Variants in OPRM1 observed in about 807,000 individuals in gnomAD.
The protein encoded by OPRM1 is mu-type opioid receptor.
In OPRM1, 27 loss-of-function variants were observed where a neutral mutation model predicts 31.8. The ratio of observed to expected loss-of-function variants is 0.85; its 90% confidence interval spans 0.63 to 1.17. The LOEUF is 1.17. Ranked by LOEUF, OPRM1 falls within the 50% of genes most tolerant of loss-of-function variation. The pLI, the probability that OPRM1 is intolerant of heterozygous loss-of-function variation, is 0.00. For missense variants in OPRM1, 536 were observed against 511.1 expected (o/e 1.05, Z -0.47); for synonymous variants, 196 against 189.9 (o/e 1.03, Z -0.26).
chr6:154,040,474 T>C (rs1161337912), intron 1 of OPRM1, among the ~76,000 whole-genome samples: 4 of 152,192 alleles, frequency 2.6e-5, no homozygotes, highest in African/African-American at 9.7e-5. Flanking sequence ...CTAGCATCTC[T>C]CCATGACAGT....
chr6:154,125,914 T>C lies in OPRM1; in HGVS notation c.*7193T>C, dbSNP rs1206915703. Among the ~76,000 whole-genome samples, 1 of 25,904 alleles carries C rather than the reference T, an allele frequency of 3.9e-5. No homozygotes were observed. The highest frequency in any genetic ancestry group is 1.1e-4 in the Non-Finnish European group (1 of 8,852). The allele number at this position is 25,904 out of a possible 152,430, so 17.0% of individuals were successfully genotyped here. A position where few individuals can be genotyped will look rare whatever the true frequency, so the allele number is the denominator to read the frequency against. On this transcript the variant is annotated 3_prime_UTR_variant, in exon 4 of 4. Transcript: ENST00000330432. ...GCCTCCCGGGTTCACGCCATTCTCC[T>C]GCCTCAGCCTCCCAAGTAGCTGGGA...
chr6:154,032,979 T>C (rs967853686), intron 1 of OPRM1, among the ~76,000 whole-genome samples: 4 of 152,188 alleles, frequency 2.6e-5, no homozygotes, highest in Admixed American at 2.6e-4. Flanking sequence ...GCTAGAGATG[T>C]AGGTTGGATC....
In OPRM1 at chr6:154,120,354, AC is replaced by A. The variant is rs1797237501; in HGVS notation, c.*1636del. 6.6e-6 allele frequency among the ~76,000 whole-genome samples: 1 copy of A among 152,186 alleles called. No homozygotes were observed. The highest frequency in any genetic ancestry group is 6.5e-5 in the Admixed American group (1 of 15,276). ...TATTGGCTATAGTTATGTGGACTCA[AC>A]CCACGTATCCAGTAGATGGGAAAAA... On this transcript the variant is annotated 3_prime_UTR_variant, in exon 4 of 4. Coordinates refer to ENST00000330432, the MANE Select transcript of OPRM1 (RefSeq NM_000914.5).
intron 3 of OPRM1, among the ~76,000 whole-genome samples, chr6:154,147,769 C>T (rs1244480108): frequency 2.6e-5 from 4 of 152,158 alleles, no homozygotes; most frequent in Non-Finnish European, 5.9e-5. Flanking sequence ...CTTACAGCAT[C>T]CTCTGGCAGG....
At position 154,122,928 on chromosome 6, in the gene OPRM1, A is replaced by G. The variant is rs1233556434; in HGVS notation, c.*4207A>G. On this transcript the variant is annotated 3_prime_UTR_variant, in exon 4 of 4. Transcript: ENST00000330432. ...GTGAAAGTGAAATGGGTCAGGATCA[A>G]TGGTCTCATTGTCTAAGGTGTTATC... Among the ~76,000 whole-genome samples the G allele has an allele frequency of 6.6e-6, 1 of 152,194 alleles. No individual in the cohort carries two copies. The highest frequency in any genetic ancestry group is 1.5e-5 in the Non-Finnish European group (1 of 68,034).
intron 3 of OPRM1, chr6:154,223,352 T>C: frequency 1.2e-6 from 1 of 848,938 alleles, no homozygotes; most frequent in Non-Finnish European, 1.9e-6. Context: ...TGAGGGAGAA[T>C]CAAGAGATAC....
intron 1 of OPRM1, among the ~76,000 whole-genome samples, chr6:154,075,663 G>T (rs915045644): frequency 1.3e-5 from 2 of 152,082 alleles, no homozygotes; most frequent in African/African-American, 4.8e-5. Context: ...TTTGGGCCAG[G>T]CTGGTCTCAA....
At chr6:154,099,902 TATG>T (rs1338751933) in intron 3 of OPRM1, among the ~76,000 whole-genome samples, 5 of 145,054 alleles carry the variant, frequency 3.4e-5, no homozygotes, top group Non-Finnish European at 6.0e-5. Flanking sequence ...TATATTATAT[TATG>T]ATATATATCA....
intron 3 of OPRM1, among the ~76,000 whole-genome samples, chr6:154,245,267 T>TA (rs1780933839): frequency 6.7e-6 from 1 of 150,366 alleles, no homozygotes; most frequent in African/African-American, 2.5e-5. Flanking sequence ...ATAAAGTTGT[T>TA]ATAACTCACC....
chr6:154,052,009 A>G (rs983012920), intron 1 of OPRM1, among the ~76,000 whole-genome samples: 3 of 152,210 alleles, frequency 2.0e-5, no homozygotes. Flanking sequence ...AAAAAAGAAT[A>G]AGATCACGTC....
intron 1 of OPRM1, among the ~76,000 whole-genome samples, chr6:154,014,629 C>A (rs1388438972): frequency 6.6e-6 from 1 of 151,906 alleles, no homozygotes; most frequent in Admixed American, 6.6e-5. Context: ...AAGCTATGTC[C>A]TTGAATACGT....
intron 1 of OPRM1, among the ~76,000 whole-genome samples, chr6:154,049,005 G>T (rs762719522): frequency 9.2e-5 from 14 of 152,282 alleles, no homozygotes; most frequent in South Asian, 6.2e-4. Flanking sequence ...TATAGGGCAG[G>T]TTCCTGTGAG....
intron 3 of OPRM1, among the ~76,000 whole-genome samples, chr6:154,202,527 A>G (rs535315121): frequency 2.0e-5 from 3 of 152,180 alleles, no homozygotes; most frequent in Non-Finnish European, 4.4e-5. Context: ...TTCAACTTCT[A>G]TGTGATCAAC....
chr6:154,088,480 TC>T (rs1009385731), intron 1 of OPRM1, among the ~76,000 whole-genome samples: 19 of 152,330 alleles, frequency 1.2e-4, no homozygotes, highest in African/African-American at 4.1e-4. Context: ...TCATCTGATC[TC>T]TGTTGCAATT....
At chr6:154,056,088 A>G (rs1170012063) in intron 1 of OPRM1, among the ~76,000 whole-genome samples, 3 of 151,626 alleles carry the variant, frequency 2.0e-5, no homozygotes, top group Non-Finnish European at 4.4e-5. Flanking sequence ...AATTGGTCAA[A>G]TGATGGAGCT....
At chr6:154,073,681 G>A (rs73790418) in intron 1 of OPRM1, 1 of 152,290 alleles carries the variant, frequency 6.6e-6, no homozygotes, top group Non-Finnish European at 1.5e-5. Context: ...TGAGGAAACA[G>A]AATAAAAAAG....
chr6:154,018,066 GT>G (rs1263831024), intron 1 of OPRM1, among the ~76,000 whole-genome samples: 2 of 152,114 alleles, frequency 1.3e-5, no homozygotes, highest in African/African-American at 4.8e-5. Flanking sequence ...TCTGATTTTT[GT>G]TTAACATGCA....
intron 1 of OPRM1, among the ~76,000 whole-genome samples, chr6:154,065,956 G>GT (rs1363022311): frequency 6.6e-6 from 1 of 151,932 alleles, no homozygotes; most frequent in Non-Finnish European, 1.5e-5. Flanking sequence ...TATTTTGATT[G>GT]TTTTGAGTAT....
chr6:154,147,752 T>A (rs1219246991), intron 3 of OPRM1, among the ~76,000 whole-genome samples: 1 of 152,210 alleles, frequency 6.6e-6, no homozygotes, highest in Non-Finnish European at 1.5e-5. Context: ...ATAGGTTTAC[T>A]GGAATTCTTA....
Sources: allele counts gnomAD v4.1 joint callset (sites outside exome capture counted in the v4.1 genomes callset), GRCh38; gene constraint gnomAD v4.1.1; transcripts MANE v1.5; gene names NCBI Gene and HGNC (gene_info 2026-07-23, HGNC 2026-07-21).